The following KIAA1217 variants were observed in gnomAD, a reference collection of about 807,000 sequenced individuals.
The protein encoded by KIAA1217 is sickle tail protein homolog.
Under a neutral mutation model 163.9 loss-of-function variants are expected in KIAA1217, and 88 were observed. That is an observed-to-expected ratio of 0.54 (90% CI 0.45 to 0.64). The LOEUF (loss-of-function observed/expected upper bound fraction) is 0.64. KIAA1217 is among the 30% of genes least tolerant of loss of function. The probability of loss-of-function intolerance (pLI) is 0.00; values close to 1 mark genes in which losing one functional copy is unlikely to be tolerated. For missense variants in KIAA1217, 2,372 were observed against 2,475.0 expected (o/e 0.96, Z 0.88); for synonymous variants, 903 against 923.1 (o/e 0.98, Z 0.39).
chr10:24,423,840 G>C (rs1453402239), intron 3 of KIAA1217, among the ~76,000 whole-genome samples: 1 of 152,172 alleles, frequency 6.6e-6, no homozygotes, highest in Non-Finnish European at 1.5e-5. Flanking sequence ...CCGGCCAAGG[G>C]CACATTCAAA....
At chr10:23,789,980 TACACATATAC>T (rs1835676703) in intron 1 of KIAA1217, among the ~76,000 whole-genome samples, 4 of 129,396 alleles carry the variant, frequency 3.1e-5, no homozygotes, top group Admixed American at 1.6e-4. Context: ...TATACATATA[TACACATATAC>T]ATATACACAT....
At chr10:23,767,820 T>C (rs562461584) in intron 1 of KIAA1217, among the ~76,000 whole-genome samples, 1 of 152,236 alleles carries the variant, frequency 6.6e-6, no homozygotes, top group Non-Finnish European at 1.5e-5. Flanking sequence ...AGCCCTACTT[T>C]AGGAATAATC....
chr10:24,343,665 A>G (rs543155525), intron 2 of KIAA1217, among the ~76,000 whole-genome samples: 5 of 152,266 alleles, frequency 3.3e-5, no homozygotes, highest in Middle Eastern at 3.4e-3. Flanking sequence ...CCCTGTCCTA[A>G]TATTACATAT....
intron 3 of KIAA1217, among the ~76,000 whole-genome samples, chr10:24,395,376 A>G (rs1196163350): frequency 6.6e-6 from 1 of 152,130 alleles, no homozygotes; most frequent in Admixed American, 6.6e-5. Flanking sequence ...CTCTGCACAT[A>G]CATCCCAAGT....
In KIAA1217 at chr10:24,528,055, G is replaced by A. The variant is rs775900776; in HGVS notation, c.3018G>A (p.Glu1006=). 76 of 1,614,046 alleles carry A rather than the reference G, an allele frequency of 4.7e-5. No individual in the cohort carries two copies. Among genetic ancestry groups the A allele is most frequent in the Admixed American group, 1.0e-4 (6 of 60,004 alleles). ...TCATGAAGTCAATACCAAATCTGGA[G>A]ATGCCGCCAGCCACAGGCCCACTGC... ...ANIMKSIPNL[E]MPPATGPLPR... is the part of the protein sequence containing the mutation. The change falls in exon 14 of 21, where the codon GAG becomes GAA. Residue 1006 remains glutamate (E), a synonymous_variant. Transcript: ENST00000376454.
intron 2 of KIAA1217, among the ~76,000 whole-genome samples, chr10:24,378,748 G>A (rs536516348): frequency 2.0e-4 from 30 of 152,164 alleles, no homozygotes; most frequent in Non-Finnish European, 3.7e-4. Flanking sequence ...GCATCAGAGG[G>A]GAGGGTACTG....
chr10:23,850,950 A>G (rs1333745058), intron 1 of KIAA1217, among the ~76,000 whole-genome samples: 1 of 152,032 alleles, frequency 6.6e-6, no homozygotes, highest in African/African-American at 2.4e-5. Context: ...GCAAGGGGGA[A>G]ATCCACCCCC....
At chr10:23,714,128 A>T (rs1837424448) in intron 1 of KIAA1217, among the ~76,000 whole-genome samples, 1 of 152,050 alleles carries the variant, frequency 6.6e-6, no homozygotes, top group South Asian at 2.1e-4. Flanking sequence ...CCTTTTCTCC[A>T]TATCCAATCA....
At chr10:24,345,991 A>G (rs1474301660) in intron 2 of KIAA1217, among the ~76,000 whole-genome samples, 1 of 152,152 alleles carries the variant, frequency 6.6e-6, no homozygotes, top group Non-Finnish European at 1.5e-5. Context: ...GCCCCTGGCA[A>G]CCACCATTCT....
intron 9 of KIAA1217, 62 bp from the exon 10 acceptor site, chr10:24,513,197 A>C (rs1170179512): frequency 1.9e-6 from 3 of 1,543,394 alleles, no homozygotes; most frequent in Non-Finnish European, 2.7e-6. Context: ...ACTTCAAGGC[A>C]TTCACTCGCC....
chr10:23,883,341 A>C (rs1345675018), intron 1 of KIAA1217, among the ~76,000 whole-genome samples: 3 of 151,900 alleles, frequency 2.0e-5, no homozygotes, highest in Non-Finnish European at 4.4e-5. Context: ...GTAGAATAAA[A>C]GGTGGGATGC....
chr10:24,070,471 A>G (rs985457526), intron 2 of KIAA1217, among the ~76,000 whole-genome samples: 6 of 152,240 alleles, frequency 3.9e-5, no homozygotes, highest in Non-Finnish European at 7.3e-5. Context: ...AGATTGGTAT[A>G]CAATAGTAAT....
At chr10:23,696,605 G>A (rs1836059280) in intron 1 of KIAA1217, among the ~76,000 whole-genome samples, 1 of 152,214 alleles carries the variant, frequency 6.6e-6, no homozygotes, top group Non-Finnish European at 1.5e-5. Context: ...CTGCAACAGA[G>A]ATGATTCATG....
chr10:23,829,930 T>A (rs972098435), intron 1 of KIAA1217, among the ~76,000 whole-genome samples: 1 of 152,214 alleles, frequency 6.6e-6, no homozygotes, highest in African/African-American at 2.4e-5. Flanking sequence ...TGGTAGGGCT[T>A]ACTAGCGGAA....
Position 24,545,911 on chromosome 10 carries a change from C to T in KIAA1217, c.5419C>T (p.Pro1807Ser). 1 of 1,614,166 alleles carries T rather than the reference C, an allele frequency of 6.2e-7. No individual in the cohort carries two copies. Among genetic ancestry groups the T allele is most frequent in the East Asian group, 2.2e-5 (1 of 44,874 alleles). ...TGCTTCTAAGATTCCAGCCCTTTCT[C>T]CCAGCTCTGGGAAAAGCAGTTCTCT... ...LPASKIPALS[P>S]SSGKSSSLPS... The change falls in exon 21 of 21, where the codon CCC becomes TCC. Residue 1807 changes from proline to serine, a missense_variant. Transcript: ENST00000376454.
At chr10:23,891,869 T>C (rs1292057729) in intron 1 of KIAA1217, among the ~76,000 whole-genome samples, 1 of 152,006 alleles carries the variant, frequency 6.6e-6, no homozygotes, top group Non-Finnish European at 1.5e-5. Context: ...CTGTACTTCA[T>C]GAAGATAAAT....
At position 24,400,958 on chromosome 10, in the gene KIAA1217, A is replaced by AACACACACACACACAC. The variant is rs1409004077; in HGVS notation, c.553+19894_553+19895insCACACACACACACACA. Among the ~76,000 whole-genome samples the AACACACACACACACAC allele has an allele frequency of 4.5e-5, 4 of 89,828 alleles. No homozygotes were observed. The African/African-American group carries it at 5.3e-4, about 12-fold the overall frequency. 58.9% of individuals were successfully genotyped at this position (89,828 alleles called of 152,430 possible). On this transcript the variant is annotated intron_variant, in intron 3 of 20. Coordinates refer to ENST00000376454, the MANE Select transcript of KIAA1217 (RefSeq NM_019590.5). ...AAATAACACAAAATTCCAAGCAAGA[A>AACACACACACACACAC]ACATACACACACACACACACACACA...
intron 8 of KIAA1217, among the ~76,000 whole-genome samples, chr10:24,499,828 C>T (rs986724879): frequency 1.3e-5 from 2 of 152,184 alleles, no homozygotes; most frequent in African/African-American, 4.8e-5. Flanking sequence ...GGCCTGCTCC[C>T]CTGCTGCCTC....
chr10:24,273,831 C>T (rs1299755908), intron 2 of KIAA1217, among the ~76,000 whole-genome samples: 2 of 144,702 alleles, frequency 1.4e-5, no homozygotes, highest in South Asian at 2.2e-4. Context: ...CTAGCCTGGG[C>T]GACAGAACAA....
Sources: gnomAD v4.1 joint callset for allele counts (sites outside exome capture counted in the v4.1 genomes callset) on GRCh38, gnomAD v4.1.1 for gene constraint, MANE v1.5 for transcripts, NCBI Gene and HGNC (gene_info 2026-07-23, HGNC 2026-07-21) for gene names.